LDB2: variants seen among roughly 807,000 people sequenced by gnomAD.
The protein encoded by LDB2 is LIM domain-binding protein 2.
In LDB2, 12 loss-of-function variants were observed where a neutral mutation model predicts 44.3. That is an observed-to-expected ratio of 0.27 (90% CI 0.17 to 0.44). The LOEUF is 0.44. Ranked by LOEUF, LDB2 falls within the 20% of genes least tolerant of loss-of-function variation. The probability of loss-of-function intolerance (pLI) is 1.00; values close to 1 mark genes in which losing one functional copy is unlikely to be tolerated. For synonymous variants in LDB2, 164 were observed against 174.8 expected (o/e 0.94, Z 0.49); for missense variants, 344 against 473.5 (o/e 0.73, Z 2.54).
chr4:16,749,391 C>G (rs1484239249), intron 2 of LDB2, among the ~76,000 whole-genome samples: 1 of 151,226 alleles, frequency 6.6e-6, no homozygotes, highest in East Asian at 1.9e-4. Flanking sequence ...AACCTCGTCT[C>G]TACTAAAAAT....
intron 1 of LDB2, among the ~76,000 whole-genome samples, chr4:16,886,696 T>C (rs1270832939): frequency 6.6e-6 from 1 of 152,008 alleles, no homozygotes; most frequent in Non-Finnish European, 1.5e-5. Flanking sequence ...GCAATGAAGG[T>C]TAGTGATGTG....
intron 2 of LDB2, among the ~76,000 whole-genome samples, chr4:16,632,744 A>G (rs1001299778): frequency 6.6e-6 from 1 of 152,210 alleles, no homozygotes; most frequent in Non-Finnish European, 1.5e-5. Context: ...TCTGGATACA[A>G]AATCAATCTG....
intron 3 of LDB2, among the ~76,000 whole-genome samples, chr4:16,593,306 G>A (rs1719753118): frequency 6.6e-6 from 1 of 152,016 alleles, no homozygotes; most frequent in South Asian, 2.1e-4. Flanking sequence ...ATTGGCTTCT[G>A]GACCCTTTTT....
At chr4:16,830,947 A>G (rs1179937925) in intron 1 of LDB2, among the ~76,000 whole-genome samples, 1 of 152,134 alleles carries the variant, frequency 6.6e-6, no homozygotes, top group African/African-American at 2.4e-5. Flanking sequence ...CCTAGAAGAC[A>G]TTGTTTTCTT....
At position 16,754,638 on chromosome 4, in the gene LDB2, T is replaced by C. The variant is rs570058587; in HGVS notation, c.235+4520A>G. Among the ~76,000 whole-genome samples the C allele has an allele frequency of 6.7e-4, 102 of 152,054 alleles. 1 individual carries two copies. The highest frequency in any genetic ancestry group is 2.3e-3 in the African/African-American group (95 of 41,496). On this transcript the variant is annotated intron_variant, in intron 2 of 7. Coordinates refer to ENST00000304523, the MANE Select transcript of LDB2 (RefSeq NM_001290.5). ...CATCCGCCTCCTGGGTTCAAGTAATTCTCCTATCTCAGCCTCCCAAGTGGC... is the reference window on the plus strand; with the variant it reads ...CATCCGCCTCCTGGGTTCAAGTAATCCTCCTATCTCAGCCTCCCAAGTGGC...
chr4:16,658,073 TG>T (rs1740436390), intron 2 of LDB2, among the ~76,000 whole-genome samples: 1 of 152,184 alleles, frequency 6.6e-6, no homozygotes, highest in Admixed American at 6.5e-5. Flanking sequence ...TTGATGATGT[TG>T]TAAGCATAAT....
chr4:16,530,682 A>G (rs984616959), intron 5 of LDB2, among the ~76,000 whole-genome samples: 6 of 152,236 alleles, frequency 3.9e-5, no homozygotes, highest in African/African-American at 1.4e-4. Context: ...TTTGAGGTAC[A>G]GAACCTTCCC....
At chr4:16,751,149 C>T (rs1306532604) in intron 2 of LDB2, among the ~76,000 whole-genome samples, 1 of 152,118 alleles carries the variant, frequency 6.6e-6, no homozygotes, top group African/African-American at 2.4e-5. Context: ...AGAACAAGCT[C>T]GTGAGGGCAG....
chr4:16,711,016 A>T (rs1167457178), intron 2 of LDB2, among the ~76,000 whole-genome samples: 2 of 152,240 alleles, frequency 1.3e-5, no homozygotes, highest in East Asian at 3.8e-4. Flanking sequence ...ATGAAATTTC[A>T]AAACATACAT....
intron 2 of LDB2, among the ~76,000 whole-genome samples, chr4:16,646,872 C>A (rs1736940139): frequency 6.6e-6 from 1 of 152,182 alleles, no homozygotes; most frequent in Non-Finnish European, 1.5e-5. Flanking sequence ...GAAAAGCATG[C>A]AGCCACTTTG....
intron 1 of LDB2, among the ~76,000 whole-genome samples, chr4:16,849,260 G>A (rs1383099512): frequency 6.6e-6 from 1 of 152,064 alleles, no homozygotes; most frequent in Non-Finnish European, 1.5e-5. Context: ...ACTTCCCCTG[G>A]GAGGACTTCT....
chr4:16,567,962 GA>G (rs1378875983), intron 5 of LDB2, among the ~76,000 whole-genome samples: 1 of 152,104 alleles, frequency 6.6e-6, no homozygotes, highest in Non-Finnish European at 1.5e-5. Flanking sequence ...TTATAATACT[GA>G]TTAGGAATTG....
At chr4:16,827,171 C>T (rs207703) in intron 1 of LDB2, among the ~76,000 whole-genome samples, 136,473 of 152,138 alleles carry the variant, frequency 0.9, 61,997 homozygotes, top group South Asian at 0.97. Context: ...TCACAAGTTG[C>T]GCTTCATGGA....
At chr4:16,808,023 T>G (rs1279829501) in intron 1 of LDB2, among the ~76,000 whole-genome samples, 1 of 152,082 alleles carries the variant, frequency 6.6e-6, no homozygotes, top group Non-Finnish European at 1.5e-5. Context: ...TCAAAGGAGC[T>G]TCTATGCTAG....
chr4:16,550,066 T>C (rs1020947005), intron 5 of LDB2, among the ~76,000 whole-genome samples: 2 of 152,170 alleles, frequency 1.3e-5, no homozygotes, highest in Non-Finnish European at 2.9e-5. Flanking sequence ...TGTCCTGGGG[T>C]GTATACTGGC....
chr4:16,547,180 G>A (rs922635961), intron 5 of LDB2, among the ~76,000 whole-genome samples: 6 of 152,118 alleles, frequency 3.9e-5, no homozygotes, highest in African/African-American at 9.7e-5. Context: ...AGAGACAGCC[G>A]TGTGAAGAGA....
chr4:16,720,769 T>A (rs1007347608), intron 2 of LDB2, among the ~76,000 whole-genome samples: 1 of 152,200 alleles, frequency 6.6e-6, no homozygotes, highest in Admixed American at 6.5e-5. Context: ...ATATTAATAG[T>A]CATTAACATT....
intron 5 of LDB2, among the ~76,000 whole-genome samples, chr4:16,543,027 G>A (rs1259543577): frequency 6.7e-6 from 1 of 148,674 alleles, no homozygotes; most frequent in Non-Finnish European, 1.5e-5. Flanking sequence ...TGCGGTATTT[G>A]GTTTTCTGCC....
chr4:16,587,189 T>G (rs1578015517), intron 4 of LDB2, among the ~76,000 whole-genome samples: 1 of 152,328 alleles, frequency 6.6e-6, no homozygotes, highest in East Asian at 1.9e-4. Context: ...GCAAAAATGT[T>G]GTTCCTGCTG....
Sources: gnomAD v4.1 joint callset for allele counts (sites outside exome capture counted in the v4.1 genomes callset) on GRCh38, gnomAD v4.1.1 for gene constraint, MANE v1.5 for transcripts, NCBI Gene and HGNC (gene_info 2026-07-23, HGNC 2026-07-21) for gene names.